STK3: variants seen among roughly 807,000 people sequenced by gnomAD.
STK3 encodes the protein serine/threonine-protein kinase 3.
In STK3, 41 loss-of-function variants were observed where a neutral mutation model predicts 58.0. The ratio of observed to expected loss-of-function variants is 0.71; its 90% CI spans 0.55 to 0.92. STK3 has a LOEUF of 0.92. Ranked by LOEUF, STK3 falls within the 40% of genes least tolerant of loss-of-function variation. The probability of loss-of-function intolerance (pLI) is 0.00; values close to 1 mark genes in which losing one functional copy is unlikely to be tolerated. For synonymous variants in STK3, 170 were observed against 191.0 expected (o/e 0.89, Z 0.91); for missense variants, 479 against 602.7 (o/e 0.79, Z 2.15).
chr8:98,393,451 G>A (rs1343460934), intron 3 of STK3, among the ~76,000 whole-genome samples: 2 of 152,190 alleles, frequency 1.3e-5, no homozygotes, highest in Middle Eastern at 3.4e-3. Flanking sequence ...CCATCAAGAG[G>A]TGGACTCCTC....
At chr8:98,929,233 C>T (rs1400756983) in intron 1 of STK3, among the ~76,000 whole-genome samples, 1 of 152,118 alleles carries the variant, frequency 6.6e-6, no homozygotes, top group African/African-American at 2.4e-5. Context: ...CATTGCACTC[C>T]AGCCCAGGCA....
At chr8:98,583,302 G>C (rs2131745900) in intron 7 of STK3, among the ~76,000 whole-genome samples, 1 of 152,294 alleles carries the variant, frequency 6.6e-6, no homozygotes, top group South Asian at 2.1e-4. Flanking sequence ...AGCGAGGGCA[G>C]AGGGTTACTT....
chr8:98,349,014 C>T, the STK3 span, among the ~76,000 whole-genome samples: 1 of 152,184 alleles, frequency 6.6e-6, no homozygotes, highest in Non-Finnish European at 1.5e-5. Flanking sequence ...TGATGTCCTT[C>T]AGTAGGTGAA....
chr8:98,477,682 C>T (rs71506325), intron 10 of STK3, among the ~76,000 whole-genome samples: 3,318 of 77,170 alleles, frequency 0.043, 87 homozygotes, highest in Middle Eastern at 0.13. Context: ...TGGCTAGCCT[C>T]GCATAATCAT....
intron 3 of STK3, chr8:98,427,544 A>G (rs1156672379): frequency 3.9e-5 from 2 of 51,036 alleles, no homozygotes; most frequent in African/African-American, 1.5e-4. Flanking sequence ...CCCCCACCCC[A>G]CCAAAGCTAC....
In STK3 at chr8:98,706,756, A is replaced by G. The variant is rs1366401891; in HGVS notation, c.517-122T>C. ...CCACAGATTATATCAGAAATTGACT[A>G]TTTTGCTAAAATTTCAACTAGTTAT... On this transcript the variant is annotated intron_variant, in intron 5 of 10. Coordinates refer to ENST00000419617, the MANE Select transcript of STK3 (RefSeq NM_006281.4). 4 of 1,174,034 alleles carry G rather than the reference A, an allele frequency of 3.4e-6. No homozygotes were observed. The African/African-American group carries it at 6.3e-5, about 18-fold the overall frequency. 72.7% of individuals were successfully genotyped at this position (1,174,034 alleles called of 1,614,324 possible). A position where few individuals can be genotyped will look rare whatever the true frequency, so the allele number is the denominator to read the frequency against.
chr8:98,391,178 T>C (rs1030493970), upstream of STK3, among the ~76,000 whole-genome samples: 1 of 152,240 alleles, frequency 6.6e-6, no homozygotes, highest in African/African-American at 2.4e-5. Context: ...AGGATGTTGC[T>C]ATTTTTGTCT....
chr8:98,700,002 C>G (rs1222898389), intron 6 of STK3, among the ~76,000 whole-genome samples: 1 of 152,242 alleles, frequency 6.6e-6, no homozygotes, highest in African/African-American at 2.4e-5. Flanking sequence ...CCTCCTTGAG[C>G]TGTGGTGGGC....
the STK3 span, among the ~76,000 whole-genome samples, chr8:98,347,734 A>G: frequency 3.9e-5 from 6 of 152,190 alleles, no homozygotes; most frequent in Non-Finnish European, 1.5e-5. Flanking sequence ...AGACTGACCT[A>G]TATGTTGCCT....
intron 1 of STK3, among the ~76,000 whole-genome samples, chr8:98,778,550 A>G (rs1831872838): frequency 6.6e-6 from 1 of 152,210 alleles, no homozygotes; most frequent in Non-Finnish European, 1.5e-5. Flanking sequence ...AAAGGATTAT[A>G]AATCATGCTG....
rs187846060 is a variant in STK3, at chr8:98,742,431, G to T, written c.351+6845C>A. Among the ~76,000 whole-genome samples, 288 of 122,794 alleles carry T rather than the reference G, an allele frequency of 2.3e-3. 74 individuals carry two copies. Among genetic ancestry groups the T allele is most frequent in the Middle Eastern group, 3.9e-3 (1 of 256 alleles). The allele number at this position is 122,794 out of a possible 152,430, so 80.6% of individuals were successfully genotyped here. On this transcript the variant is annotated intron_variant, in intron 4 of 10. Transcript: ENST00000419617. ...GGGATGCAAGGCTGGTTCAACATAC[G>T]CAAATCAATAAACGTAATCCATCAC...
At chr8:98,650,492 G>C (rs1419168695) in intron 6 of STK3, among the ~76,000 whole-genome samples, 2 of 152,234 alleles carry the variant, frequency 1.3e-5, no homozygotes, top group African/African-American at 4.8e-5. Context: ...GTGGGCGCAG[G>C]ACAGGGGGTG....
chr8:98,850,359 C>T (rs534055650), intron 3 of STK3, among the ~76,000 whole-genome samples: 1 of 152,214 alleles, frequency 6.6e-6, no homozygotes, highest in Admixed American at 6.5e-5. Context: ...TACTGTGAGT[C>T]TCCTCTGCTC....
chr8:98,735,406 A>T (rs979943273), intron 4 of STK3, among the ~76,000 whole-genome samples: 3 of 152,180 alleles, frequency 2.0e-5, no homozygotes, highest in African/African-American at 7.2e-5. Flanking sequence ...ATCAAACTTA[A>T]AAGATAGTTT....
chr8:98,576,644 G>A (rs930042157), intron 8 of STK3, among the ~76,000 whole-genome samples: 1 of 152,176 alleles, frequency 6.6e-6, no homozygotes, highest in Non-Finnish European at 1.5e-5. Flanking sequence ...TCTTTTGGAT[G>A]CTATTATAAA....
chr8:98,435,514 C>A (rs962440761), intron 2 of STK3, among the ~76,000 whole-genome samples: 4 of 151,088 alleles, frequency 2.6e-5, no homozygotes, highest in Non-Finnish European at 5.9e-5. Flanking sequence ...TGAGAGGGGA[C>A]AGGTGGCTGA....
At position 98,462,537 on chromosome 8, in the gene STK3, T is replaced by A. The variant is rs572961355; in HGVS notation, c.1318-6537A>T. Among the ~76,000 whole-genome samples the A allele has an allele frequency of 5.3e-5, 8 of 152,336 alleles. No homozygotes were observed. The South Asian group carries it at 1.7e-3, about 32-fold the overall frequency. ...CTATGCTGTATTTATTTTAAAAATA[T>A]CTGATTTCAGTTTTGTGGTTGTATG... On this transcript the variant is annotated intron_variant, in intron 10 of 10. Coordinates refer to ENST00000419617, the MANE Select transcript of STK3 (RefSeq NM_006281.4).
chr8:98,585,781 G>A (rs909057022), intron 7 of STK3, among the ~76,000 whole-genome samples: 4 of 152,110 alleles, frequency 2.6e-5, no homozygotes, highest in African/African-American at 7.2e-5. Flanking sequence ...TTGAGCAGGG[G>A]TTTGTAGTTC....
At chr8:98,498,465 C>A (rs1314910699) in intron 10 of STK3, among the ~76,000 whole-genome samples, 1 of 152,154 alleles carries the variant, frequency 6.6e-6, no homozygotes, top group African/African-American at 2.4e-5. Flanking sequence ...CTAAGCAAAG[C>A]ATGACATGGC....
Sources: gnomAD v4.1 joint callset for allele counts (sites outside exome capture counted in the v4.1 genomes callset) on GRCh38, gnomAD v4.1.1 for gene constraint, MANE v1.5 for transcripts, NCBI Gene and HGNC (gene_info 2026-07-23, HGNC 2026-07-21) for gene names.